HSD17B12: variants seen among roughly 807,000 people sequenced by gnomAD.
HSD17B12 encodes the protein very-long-chain 3-oxoacyl-CoA reductase.
In HSD17B12, 32 loss-of-function variants were observed where a neutral mutation model predicts 39.3. That is an observed-to-expected ratio of 0.81 (90% CI 0.61 to 1.09). The LOEUF is 1.09. Ranked by LOEUF, HSD17B12 falls within the 50% of genes least tolerant of loss-of-function variation. The pLI, the probability that HSD17B12 is intolerant of heterozygous loss-of-function variation, is 0.00. For synonymous variants in HSD17B12, 150 were observed against 146.7 expected (o/e 1.02, Z -0.16); for missense variants, 342 against 382.9 (o/e 0.89, Z 0.89).
the HSD17B12 span, among the ~76,000 whole-genome samples, chr11:43,609,965 G>A: frequency 6.6e-6 from 1 of 152,136 alleles, no homozygotes; most frequent in Non-Finnish European, 1.5e-5. Context: ...CTATACCAAT[G>A]ATTACCTAAT....
rs752079868 is a variant in HSD17B12, at chr11:43,680,803, AG to A, written c.-23del. On this transcript the variant is annotated 5_prime_UTR_variant, in exon 1 of 11. Coordinates refer to ENST00000278353, the MANE Select transcript of HSD17B12 (RefSeq NM_016142.3). ...ATTCACTCGCTCTTTTCATTCACGA[AG>A]GTAGTGAGGCCTAGTGGAAAGCCAT... 14 of 1,596,832 alleles carry A rather than the reference AG, an allele frequency of 8.8e-6. No homozygotes were observed. The highest frequency in any genetic ancestry group is 1.2e-5 in the Non-Finnish European group (14 of 1,164,388).
At chr11:43,819,827 G>T (rs1357477017) in intron 6 of HSD17B12, among the ~76,000 whole-genome samples, 1 of 152,126 alleles carries the variant, frequency 6.6e-6, no homozygotes, top group Non-Finnish European at 1.5e-5. Flanking sequence ...AGCACTAAGG[G>T]AGTTTGCTAT....
At chr11:43,777,822 A>G in intron 3 of HSD17B12, among the ~76,000 whole-genome samples, 1 of 152,220 alleles carries the variant, frequency 6.6e-6, no homozygotes, top group Non-Finnish European at 1.5e-5. Flanking sequence ...TCTCTGGGAC[A>G]CATTCAAAGC....
chr11:43,762,312 A>G (rs1950561654), intron 3 of HSD17B12, among the ~76,000 whole-genome samples: 1 of 152,224 alleles, frequency 6.6e-6, no homozygotes, highest in Non-Finnish European at 1.5e-5. Flanking sequence ...TCCTATAAAT[A>G]CTAACTCAAT....
At chr11:43,841,483 G>A (rs1216606428) in intron 9 of HSD17B12, among the ~76,000 whole-genome samples, 1 of 152,164 alleles carries the variant, frequency 6.6e-6, no homozygotes, top group Non-Finnish European at 1.5e-5. Context: ...GTGTCATGAA[G>A]CTTTTCCCCT....
the HSD17B12 span, among the ~76,000 whole-genome samples, chr11:43,568,511 G>A: frequency 6.6e-6 from 1 of 152,192 alleles, no homozygotes; most frequent in African/African-American, 2.4e-5. Flanking sequence ...AAGAAAGCAG[G>A]GAACTACCAC....
intron 3 of HSD17B12, among the ~76,000 whole-genome samples, chr11:43,764,366 C>T (rs1950578564): frequency 6.6e-6 from 1 of 152,066 alleles, no homozygotes; most frequent in Non-Finnish European, 1.5e-5. Flanking sequence ...TTGTCCTTGT[C>T]TAATAATTTT....
intron 1 of HSD17B12, among the ~76,000 whole-genome samples, chr11:43,739,184 C>A (rs900431185): frequency 1.3e-5 from 2 of 152,106 alleles, no homozygotes; most frequent in African/African-American, 4.8e-5. Context: ...CTGTTTCAGT[C>A]GGGTGTGACA....
intron 1 of HSD17B12, among the ~76,000 whole-genome samples, chr11:43,720,978 T>C (rs746187631): frequency 2.6e-5 from 4 of 152,210 alleles, no homozygotes; most frequent in African/African-American, 7.2e-5. Context: ...AGCTGGAAAT[T>C]GCCTGATTTA....
At chr11:43,684,564 T>C (rs967973079) in intron 1 of HSD17B12, among the ~76,000 whole-genome samples, 1 of 152,234 alleles carries the variant, frequency 6.6e-6, no homozygotes, top group Non-Finnish European at 1.5e-5. Flanking sequence ...TCAAGATATT[T>C]TATAACTTTA....
the HSD17B12 span, among the ~76,000 whole-genome samples, chr11:43,560,263 G>A: frequency 6.6e-6 from 1 of 152,132 alleles, no homozygotes; most frequent in Non-Finnish European, 1.5e-5. Flanking sequence ...GAACTCCAGT[G>A]TTTTTATTTC....
chr11:43,854,643 C>A, intron 9 of HSD17B12, 72 bp from the exon 10 acceptor site: 1 of 1,517,194 alleles, frequency 6.6e-7, no homozygotes, highest in Non-Finnish European at 9.1e-7. Context: ...CAGTCAAGCA[C>A]CACTGTACAT....
the HSD17B12 span, among the ~76,000 whole-genome samples, chr11:43,565,063 C>A: frequency 6.6e-6 from 1 of 152,060 alleles, no homozygotes; most frequent in South Asian, 2.1e-4. Flanking sequence ...CCAAGCCTGG[C>A]TAGTTTTTAT....
intron 1 of HSD17B12, among the ~76,000 whole-genome samples, chr11:43,737,983 GAATGA>G (rs1364091955): frequency 1.3e-5 from 2 of 148,814 alleles, no homozygotes; most frequent in African/African-American, 5.0e-5. Flanking sequence ...TGAGGCAGGA[GAATGA>G]TGTGAACCCG....
intron 3 of HSD17B12, among the ~76,000 whole-genome samples, chr11:43,771,428 C>G (rs1206184010): frequency 3.0e-5 from 4 of 135,118 alleles, no homozygotes; most frequent in Admixed American, 1.5e-4. Context: ...ACATTCATTT[C>G]TGTTGGATAT....
chr11:43,849,155 A>G (rs576152229), intron 9 of HSD17B12, among the ~76,000 whole-genome samples: 1 of 152,274 alleles, frequency 6.6e-6, no homozygotes, highest in South Asian at 2.1e-4. Flanking sequence ...AAATTAAAAA[A>G]TTAGCCAGGC....
chr11:43,810,547 C>A (rs1590319556), intron 4 of HSD17B12, among the ~76,000 whole-genome samples: 1 of 152,140 alleles, frequency 6.6e-6, no homozygotes, highest in African/African-American at 2.4e-5. Flanking sequence ...AGGATCAACT[C>A]TTAAGAGGAT....
At chr11:43,746,563 C>T (rs996294954) in intron 1 of HSD17B12, among the ~76,000 whole-genome samples, 2 of 152,146 alleles carry the variant, frequency 1.3e-5, no homozygotes, top group African/African-American at 4.8e-5. Context: ...TCTGGAGTAT[C>T]TCCTGAAGGA....
At chr11:43,848,679 T>C (rs1420946630) in intron 9 of HSD17B12, among the ~76,000 whole-genome samples, 1 of 152,208 alleles carries the variant, frequency 6.6e-6, no homozygotes, top group Non-Finnish European at 1.5e-5. Flanking sequence ...TAAGGCTCAG[T>C]CATTGAGTGT....
Sources: gnomAD v4.1 joint callset for allele counts (sites outside exome capture counted in the v4.1 genomes callset) on GRCh38, gnomAD v4.1.1 for gene constraint, MANE v1.5 for transcripts, NCBI Gene and HGNC (gene_info 2026-07-23, HGNC 2026-07-21) for gene names.